The following LTBP4 variants were observed in gnomAD, a reference collection of about 807,000 sequenced individuals.
LTBP4 encodes latent-transforming growth factor beta-binding protein 4.
LTBP4 carries 93 observed loss-of-function variants against 180.2 expected under a neutral mutation model. That is an observed-to-expected ratio of 0.52 (90% CI 0.44 to 0.61). The LOEUF is 0.61. Ranked by LOEUF, LTBP4 falls within the 20% of genes least tolerant of loss-of-function variation. The probability of loss-of-function intolerance (pLI) is 0.00; values close to 1 mark genes in which losing one functional copy is unlikely to be tolerated. For synonymous variants in LTBP4, 947 were observed against 934.5 expected, an observed-to-expected ratio of 1.01 and a Z score of -0.24; for missense variants, 2,116 against 2,256.5, an observed-to-expected ratio of 0.94 and a Z score of 1.26.
Position 40,629,602 on chromosome 19 carries a change from CGCGCATCCT to C in LTBP4, c.*55_*63del. 7.5e-7 allele frequency: 1 copy of C among 1,328,772 alleles called. No individual in the cohort carries two copies. The highest frequency in any genetic ancestry group is 1.6e-5 in the African/African-American group (1 of 63,854). 82.3% of individuals were successfully genotyped at this position (1,328,772 alleles called of 1,614,324 possible). On this transcript the variant is annotated 3_prime_UTR_variant, in exon 30 of 30. Transcript: ENST00000396819. The surrounding 1 kb of genome is among the most constrained non-coding windows in gnomAD (Gnocchi z 4.5). ...CGCGCCCGCCACTCGGGGCCCCTGC[CGCGCATCCT>C]GCAGCCCGCTTATGCGTATGTGCAC... is the stretch of plus-strand genomic sequence containing the variant.
chr19:40,603,937 C>T (rs2081440850), intron 1 of LTBP4, among the ~76,000 whole-genome samples: 1 of 152,278 alleles, frequency 6.6e-6, no homozygotes, highest in South Asian at 2.1e-4. Flanking sequence ...GTGCCCCGCC[C>T]AGAGGTGGCC....
In LTBP4 at chr19:40,622,818, G is replaced by A. The variant is rs2081596060; in HGVS notation, c.3485-132G>A. ...CGAGCTGCCAGGCAGGTGGGCATGG[G>A]CAGACATAAGGCTGAGAGGTGGGCA... On this transcript the variant is annotated intron_variant, in intron 23 of 29. Coordinates refer to ENST00000396819, the MANE Select transcript of LTBP4 (RefSeq NM_001042545.2). The surrounding 1 kb of genome is among the most constrained non-coding windows in gnomAD (Gnocchi z 5.1). 2.2e-6 allele frequency: 3 copies of A among 1,376,930 alleles called. No individual in the cohort carries two copies. Among genetic ancestry groups the A allele is most frequent in the East Asian group, 2.5e-5 (1 of 40,242 alleles). 85.3% of individuals were successfully genotyped at this position (1,376,930 alleles called of 1,614,324 possible).
intron 22 of LTBP4, among the ~76,000 whole-genome samples, chr19:40,620,173 C>T (rs1173218211): frequency 1.3e-5 from 2 of 150,766 alleles, no homozygotes; most frequent in Non-Finnish European, 3.0e-5. Flanking sequence ...ATCACACTGA[C>T]TTATCACAGT....
chr19:40,596,209 C>G (rs894821495), intron 1 of LTBP4, among the ~76,000 whole-genome samples: 2 of 151,988 alleles, frequency 1.3e-5, no homozygotes, highest in Non-Finnish European at 2.9e-5. Flanking sequence ...CATGAGCCAC[C>G]GCGCCCGGCC....
rs751938521 is a variant in LTBP4 at position 40,609,697 on chromosome 19, G to A, written c.1558+36G>A. 6.2e-7 allele frequency: 1 copy of A among 1,611,416 alleles called. No individual in the cohort carries two copies. The highest frequency in any genetic ancestry group is 1.7e-5 in the Admixed American group (1 of 59,910). The stretch of plus-strand genomic sequence containing the variant: ...CGGAGGGCGCGGAAGGAGGCGGGGC[G>A]GGGGGCTTTGCCTGGTCACCTTGTC... On this transcript the variant is annotated intron_variant, in intron 10 of 29. Transcript: ENST00000396819. The surrounding 1 kb of genome is among the most constrained non-coding windows in gnomAD (Gnocchi z 4.9).
At chr19:40,623,764 A>G in intron 25 of LTBP4, 32 bp downstream of exon 25, 2 of 1,611,874 alleles carry the variant, frequency 1.2e-6, no homozygotes, top group Non-Finnish European at 1.7e-6. Flanking sequence ...ACCCCCGGCA[A>G]CTCTCTCCAA....
chr19:40,601,725 G>A (rs2081425606), intron 1 of LTBP4, 88 bp downstream of exon 1: 2 of 1,042,788 alleles, frequency 1.9e-6, no homozygotes, highest in East Asian at 3.3e-5. Flanking sequence ...CAGGGAGAGG[G>A]AGCCCAGATT....
At chr19:40,608,396 G>A in intron 8 of LTBP4, 27 bp downstream of exon 8, 1 of 1,608,578 alleles carries the variant, frequency 6.2e-7, no homozygotes, top group South Asian at 1.1e-5. Context: ...AGAAGTGGGT[G>A]CCATCTTCAA....
chr19:40,600,765 C>G (rs2081417838), upstream of LTBP4, among the ~76,000 whole-genome samples: 1 of 152,120 alleles, frequency 6.6e-6, no homozygotes, highest in Non-Finnish European at 1.5e-5. This position sits in a 1 kb window ranked among gnomAD's most constrained non-coding sequence, Gnocchi z 4.4. Flanking sequence ...CTCCCTTTAT[C>G]CATTGTGACT....
chr19:40,600,064 C>T (rs1464672065), upstream of LTBP4: 3 of 1,259,652 alleles, frequency 2.4e-6, no homozygotes, highest in East Asian at 3.1e-5. The surrounding 1 kb of genome is among the most constrained non-coding windows in gnomAD (Gnocchi z 4.4). Context: ...CCTCTCCCAC[C>T]CAGGCTCCAG....
Position 40,613,686 on chromosome 19 carries a change from GGGGGC to G in LTBP4, c.2557+164_2557+168del. ...TGGTGGGAGTCTCGAGGCAGTGAGG[GGGGGC>G]GGGGCGTGGAGATGAAAGGGCCGAG... is the stretch of plus-strand genomic sequence containing the variant. On this transcript the variant is annotated intron_variant, in intron 17 of 29. Coordinates refer to ENST00000396819, the MANE Select transcript of LTBP4 (RefSeq NM_001042545.2). The surrounding 1 kb of genome is among the most constrained non-coding windows in gnomAD (Gnocchi z 5.0). 3.1e-6 allele frequency: 4 copies of G among 1,298,182 alleles called. No individual in the cohort carries two copies. Among genetic ancestry groups the G allele is most frequent in the Non-Finnish European group, 4.3e-6 (4 of 935,010 alleles). 80.4% of individuals were successfully genotyped at this position (1,298,182 alleles called of 1,614,324 possible).
chr19:40,621,834 C>T (rs899661237), intron 22 of LTBP4, among the ~76,000 whole-genome samples: 6 of 150,526 alleles, frequency 4.0e-5, no homozygotes, highest in Non-Finnish European at 8.9e-5. Context: ...CTGCAACTTC[C>T]GCTCCCGGGT....
chr19:40,615,246 A>C (rs2081540928), intron 19 of LTBP4: 1 of 146,778 alleles, frequency 6.8e-6, no homozygotes, highest in African/African-American at 2.5e-5. Context: ...GGAACACATG[A>C]AACAAAACAT....
intron 1 of LTBP4, among the ~76,000 whole-genome samples, chr19:40,602,389 G>A (rs977809926): frequency 2.0e-5 from 3 of 152,006 alleles, no homozygotes; most frequent in Admixed American, 1.3e-4. Context: ...GTTGTTCCAG[G>A]ATGCAAAAGT....
chr19:40,613,052 C>A lies in LTBP4; in HGVS notation c.2300-13C>A. On this transcript the variant is annotated splice_polypyrimidine_tract_variant and intron_variant, in intron 15 of 29. Coordinates refer to ENST00000396819, the MANE Select transcript of LTBP4 (RefSeq NM_001042545.2). The surrounding 1 kb of genome is among the most constrained non-coding windows in gnomAD (Gnocchi z 5.0). ...GAGACTGGACCCTTTCTGAACACCC[C>A]CACCCCCCACAGATGTGGACGAATG... The A allele has an allele frequency of 6.2e-7, 1 of 1,610,834 alleles. No homozygotes were observed. The highest frequency in any genetic ancestry group is 2.2e-5 in the East Asian group (1 of 44,730).
rs775372503 is a variant in LTBP4, at chr19:40,613,841, G to A, written c.2558-75G>A. 1.4e-5 allele frequency: 23 copies of A among 1,598,228 alleles called. No homozygotes were observed. Among genetic ancestry groups the A allele is most frequent in the Non-Finnish European group, 2.0e-5 (23 of 1,172,480 alleles). ...GTGAGAGGCCTAGGAGAGCCGAGGGGCGGTGGAGGGGTGTGGCCTAGAATG... is the reference window on the plus strand; with the variant it reads ...GTGAGAGGCCTAGGAGAGCCGAGGGACGGTGGAGGGGTGTGGCCTAGAATG... On this transcript the variant is annotated intron_variant, in intron 17 of 29. Coordinates refer to ENST00000396819, the MANE Select transcript of LTBP4 (RefSeq NM_001042545.2). This position sits in a 1 kb window ranked among gnomAD's most constrained non-coding sequence, Gnocchi z 5.0.
chr19:40,611,834 GC>G lies in LTBP4; in HGVS notation c.2054-23del. 1.3e-6 allele frequency: 2 copies of G among 1,598,518 alleles called. No individual in the cohort carries two copies. The highest frequency in any genetic ancestry group is 2.7e-5 in the African/African-American group (2 of 74,646). On this transcript the variant is annotated intron_variant, in intron 13 of 29. Transcript: ENST00000396819. The surrounding 1 kb of genome is among the most constrained non-coding windows in gnomAD (Gnocchi z 4.4). ...GGAATGGATTCAGGCCCCTTCCTCAGCCTCATTGGTCCCCTCTGCCCCAGAT... is the reference window on the plus strand; with the variant it reads ...GGAATGGATTCAGGCCCCTTCCTCAGCTCATTGGTCCCCTCTGCCCCAGAT...
At chr19:40,623,812 C>A in intron 25 of LTBP4, 80 bp downstream of exon 25, 1 of 1,598,386 alleles carries the variant, frequency 6.3e-7, no homozygotes, top group South Asian at 1.1e-5. Context: ...AATGTGGCCA[C>A]CACCAGCGGG....
Position 40,601,472 on chromosome 19 carries a change from G to A in LTBP4, c.85G>A (p.Gly29Arg), listed in dbSNP as rs2081423433. The change falls in exon 1 of 30, where the codon GGA becomes AGA. Residue 29 changes from glycine (G) to arginine (R), a missense_variant. This residue lies in a region of LTBP4 where 469 missense variants were observed against 532.5 expected (regional missense o/e 0.88). Transcript: ENST00000396819. ...LGPQPGLGRL[G>R]ERLRVRFTPV... ...GCCGCAGCCTGGACTGGGCCGGCTC[G>A]GAGAGCGTCTCCGCGTGCGCTTCAC... The A allele has an allele frequency of 1.3e-6, 2 of 1,492,258 alleles. No individual in the cohort carries two copies. The highest frequency in any genetic ancestry group is 1.5e-5 in the African/African-American group (1 of 68,594). The allele number at this position is 1,492,258 out of a possible 1,614,324, so 92.4% of individuals were successfully genotyped here.
Sources: gnomAD v4.1 joint callset for allele counts (sites outside exome capture counted in the v4.1 genomes callset) on GRCh38, gnomAD v4.1.1 for gene constraint, gnomAD v4.1.1 regional missense constraint, Gnocchi (gnomAD v3.1) non-coding constraint, MANE v1.5 for transcripts, NCBI Gene and HGNC (gene_info 2026-07-23, HGNC 2026-07-21) for gene names.